The following RAB25 variants were observed in gnomAD, a reference collection of about 807,000 sequenced individuals.
The protein encoded by RAB25 is ras-related protein Rab-25.
A neutral mutation model predicts 25.2 loss-of-function variants in RAB25; 23 were observed. That is an observed-to-expected ratio of 0.91 (90% CI 0.66 to 1.29). The LOEUF is 1.29. RAB25 is among the 50% of genes most tolerant of loss of function. The pLI is 0.00. For synonymous variants in RAB25, 102 were observed against 111.5 expected (o/e 0.91, Z 0.54); for missense variants, 244 against 277.3 (o/e 0.88, Z 0.85).
intron 4 of RAB25, 128 bp from the exon 5 acceptor site, chr1:156,070,032 C>A: frequency 6.9e-7 from 1 of 1,447,370 alleles, no homozygotes; most frequent in Non-Finnish European, 9.6e-7. Context: ...TTCCTTCCTG[C>A]AAAACCTCCT....
Position 156,064,429 on chromosome 1 carries a change from T to C in RAB25, c.44-1482T>C, listed in dbSNP as rs538089573. Among the ~76,000 whole-genome samples, 479 of 151,370 alleles carry C rather than the reference T, an allele frequency of 3.2e-3. 1 individual carries two copies. Among genetic ancestry groups the C allele is most frequent in the Non-Finnish European group, 4.9e-3 (333 of 67,810 alleles). On this transcript the variant is annotated intron_variant, in intron 1 of 4. Coordinates refer to ENST00000361084, the MANE Select transcript of RAB25 (RefSeq NM_020387.4). ...CTAATTTTTTTTTCTTTTTCTTTTT[T>C]TTTTTTTGAGTCGGAGTTTCACTCT...
Position 156,065,902 on chromosome 1 carries a change from C to T in RAB25, c.44-9C>T. The T allele has an allele frequency of 6.3e-7, 1 of 1,581,864 alleles. No homozygotes were observed. The highest frequency in any genetic ancestry group is 8.6e-7 in the Non-Finnish European group (1 of 1,158,842). ...CCCATGCTCAGCCCTTATCTCTCCACTCCTTCAGTGGTGCTGATCGGCGAA... is the reference window on the plus strand; with the variant it reads ...CCCATGCTCAGCCCTTATCTCTCCATTCCTTCAGTGGTGCTGATCGGCGAA... On this transcript the variant is annotated splice_polypyrimidine_tract_variant and intron_variant, in intron 1 of 4. Coordinates refer to ENST00000361084, the MANE Select transcript of RAB25 (RefSeq NM_020387.4).
rs1054149434 is a variant in RAB25 at position 156,069,702 on chromosome 1, A to G, written c.465A>G (p.Ser155=). 1 of 1,613,428 alleles carries G rather than the reference A, an allele frequency of 6.2e-7. No individual in the cohort carries two copies. The highest frequency in any genetic ancestry group is 1.3e-5 in the African/African-American group (1 of 74,888). The change falls in exon 4 of 5, where the codon TCA becomes TCG. Residue 155 remains serine, a synonymous_variant. Transcript: ENST00000361084. ...ENNGLLFLET[S]ALDSTNVELA... is the part of the protein sequence containing the mutation. ...ATGGACTGCTCTTCCTGGAGACCTC[A>G]GCCCTGGACTCTACCAATGTTGAGC...
Position 156,061,395 on chromosome 1 carries a change from G to C in RAB25, c.-6G>C. The C allele has an allele frequency of 1.9e-6, 3 of 1,614,044 alleles. No homozygotes were observed. The highest frequency in any genetic ancestry group is 2.5e-6 in the Non-Finnish European group (3 of 1,179,932). ...AAGACACCTGCACCCTCCATGCGGA[G>C]CCAAGATGGGGAATGGAACTGAGGA... On this transcript the variant is annotated 5_prime_UTR_variant, in exon 1 of 5. Coordinates refer to ENST00000361084, the MANE Select transcript of RAB25 (RefSeq NM_020387.4).
rs761614039 is a variant in RAB25 at position 156,070,248 on chromosome 1, TG to T, written c.605del (p.Gly202AlafsTer?). 6.2e-7 allele frequency: 1 copy of T among 1,614,060 alleles called. No individual in the cohort carries two copies. The highest frequency in any genetic ancestry group is 8.5e-7 in the Non-Finnish European group (1 of 1,179,980). On this transcript the variant is annotated frameshift_variant, in exon 5 of 5. Transcript: ENST00000361084. LOFTEE classifies it high-confidence loss of function. ...LGSAQAGQEP[G>X]PGEKRACCIS... is the part of the protein sequence containing the mutation. ...GCAGTGCCCAGGCTGGACAGGAGCCTGGCCCTGGGGAGAAGAGGGCCTGTTG... is the reference window on the plus strand; with the variant it reads ...GCAGTGCCCAGGCTGGACAGGAGCCTGCCCTGGGGAGAAGAGGGCCTGTTG...
At chr1:156,067,669 A>G (rs1647779818) in intron 2 of RAB25, among the ~76,000 whole-genome samples, 1 of 152,240 alleles carries the variant, frequency 6.6e-6, no homozygotes, top group South Asian at 2.1e-4. Flanking sequence ...AGGGGCTAAA[A>G]TCAGGACGAG....
chr1:156,063,424 T>C (rs554151514), intron 1 of RAB25, among the ~76,000 whole-genome samples: 34 of 152,314 alleles, frequency 2.2e-4, no homozygotes, highest in South Asian at 2.1e-3. Context: ...GTGCTGGTAT[T>C]ACAGGCGTGA....
intron 1 of RAB25, among the ~76,000 whole-genome samples, chr1:156,063,349 C>T (rs550714654): frequency 6.6e-6 from 1 of 152,280 alleles, no homozygotes; most frequent in African/African-American, 2.4e-5. Flanking sequence ...GACAGGGTTT[C>T]ATCATGTTGG....
At chr1:156,068,990 G>A (rs995002618) in intron 3 of RAB25, among the ~76,000 whole-genome samples, 4 of 151,334 alleles carry the variant, frequency 2.6e-5, no homozygotes, top group East Asian at 2.0e-4. Flanking sequence ...TGCCCGGCCC[G>A]TAGTTAATTT....
intron 3 of RAB25, 92 bp downstream of exon 3, chr1:156,068,555 C>A (rs147458395): frequency 7.9e-7 from 1 of 1,271,602 alleles, no homozygotes; most frequent in East Asian, 2.4e-5. Flanking sequence ...CCATAGAGCC[C>A]CTAGCCTGGC....
chr1:156,065,824 C>A, intron 1 of RAB25, 87 bp from the exon 2 acceptor site: 4 of 1,136,146 alleles, frequency 3.5e-6, no homozygotes, highest in Non-Finnish European at 4.9e-6. Flanking sequence ...GCTCAGTTCC[C>A]TTTTTCTGCT....
chr1:156,066,021 C>G lies in RAB25; in HGVS notation c.154C>G (p.Arg52Gly). Residue 52 changes from arginine (R) to glycine (G), a missense_variant, in exon 2 of 5, where the codon CGC becomes GGC. Coordinates refer to ENST00000361084, the MANE Select transcript of RAB25 (RefSeq NM_020387.4). ...CACCATCGGGGTTGAGTTCTCCACC[C>G]GCACTGTGATGTTGGGCACCGCTGC... Reference protein sequence around the residue: ...RTTIGVEFSTRTVMLGTAAVK... With the variant: ...RTTIGVEFSTGTVMLGTAAVK... 6.2e-7 allele frequency: 1 copy of G among 1,614,026 alleles called. No homozygotes were observed. The highest frequency in any genetic ancestry group is 8.5e-7 in the Non-Finnish European group (1 of 1,179,912).
chr1:156,067,031 C>T (rs987022145), intron 2 of RAB25, among the ~76,000 whole-genome samples: 11 of 151,874 alleles, frequency 7.2e-5, no homozygotes, highest in Non-Finnish European at 1.3e-4. Flanking sequence ...GTCAGGAGTT[C>T]GAGACCAGCC....
chr1:156,069,695 A>G lies in RAB25; in HGVS notation c.458A>G (p.Glu153Gly). 6.2e-7 allele frequency: 1 copy of G among 1,613,152 alleles called. No individual in the cohort carries two copies. The highest frequency in any genetic ancestry group is 1.1e-5 in the South Asian group (1 of 91,066). Reference protein sequence around the residue: ...FAENNGLLFLETSALDSTNVE... With the variant: ...FAENNGLLFLGTSALDSTNVE... ...GAAAACAATGGACTGCTCTTCCTGG[A>G]GACCTCAGCCCTGGACTCTACCAAT... The change falls in exon 4 of 5, where the codon GAG becomes GGG. Residue 153 changes from glutamate (E) to glycine (G), a missense_variant. Glu to Gly is a moderately conservative substitution (Grantham distance 98). Coordinates refer to ENST00000361084, the MANE Select transcript of RAB25 (RefSeq NM_020387.4).
chr1:156,066,156 C>G, intron 2 of RAB25, 50 bp downstream of exon 2: 2 of 1,368,502 alleles, frequency 1.5e-6, no homozygotes, highest in Non-Finnish European at 1.9e-6. Flanking sequence ...CTGGGGAAGT[C>G]GAGGAACACT....
At position 156,065,921 on chromosome 1, in the gene RAB25, C is replaced by T. The variant is rs759394769; in HGVS notation, c.54C>T (p.Ile18=). 23 of 1,598,326 alleles carry T rather than the reference C, an allele frequency of 1.4e-5. No homozygotes were observed. In the East Asian group the frequency reaches 2.5e-4, roughly 17 times the overall value. The part of the protein sequence containing the change: ...DYNFVFKVVL[I]GESGVGKTNL... ...TCTCCACTCCTTCAGTGGTGCTGAT[C>T]GGCGAATCAGGTGTGGGGAAGACCA... The change falls in exon 2 of 5, where the codon ATC becomes ATT. Residue 18 remains isoleucine, a synonymous_variant. Coordinates refer to ENST00000361084, the MANE Select transcript of RAB25 (RefSeq NM_020387.4).
At chr1:156,062,721 A>G (rs996367001) in intron 1 of RAB25, among the ~76,000 whole-genome samples, 1 of 152,196 alleles carries the variant, frequency 6.6e-6, no homozygotes, top group African/African-American at 2.4e-5. Flanking sequence ...GTCAGGAGCC[A>G]GACTGGGTTC....
chr1:156,069,776 C>G (rs1439836693), intron 4 of RAB25, 25 bp downstream of exon 4: 2 of 1,569,046 alleles, frequency 1.3e-6, no homozygotes, highest in East Asian at 2.2e-5. Flanking sequence ...TTATTCTGCA[C>G]CCCTATTCCA....
intron 1 of RAB25, among the ~76,000 whole-genome samples, chr1:156,063,278 G>A (rs1364434997): frequency 1.3e-5 from 2 of 151,850 alleles, no homozygotes; most frequent in Admixed American, 1.3e-4. Context: ...TCAGCCTCCT[G>A]AGTAGCTGGG....
Sources: allele counts gnomAD v4.1 joint callset (sites outside exome capture counted in the v4.1 genomes callset), GRCh38; gene constraint gnomAD v4.1.1; transcripts MANE v1.5; gene names NCBI Gene and HGNC (gene_info 2026-07-23, HGNC 2026-07-21).